Variants in TAB2 observed in about 807,000 individuals in gnomAD.
The protein encoded by TAB2 is TGF-beta-activated kinase 1 and MAP3K7-binding protein 2.
A neutral mutation model predicts 65.0 loss-of-function variants in TAB2; 3 were observed. The ratio of observed to expected loss-of-function variants is 0.05; its 90% CI spans 0.02 to 0.12. The LOEUF (loss-of-function observed/expected upper bound fraction) is 0.12, where lower values mean the gene tolerates loss of function less well. Ranked by LOEUF, TAB2 falls within the 10% of genes least tolerant of loss-of-function variation. The probability of loss-of-function intolerance (pLI) is 1.00; values close to 1 mark genes in which losing one functional copy is unlikely to be tolerated. For synonymous variants in TAB2, 298 were observed against 285.1 expected (o/e 1.05, Z -0.46); for missense variants, 623 against 840.3 (o/e 0.74, Z 3.20).
intron 3 of TAB2, among the ~76,000 whole-genome samples, 177 bp downstream of exon 3, chr6:149,379,695 T>C (rs1472158091): frequency 6.6e-6 from 1 of 152,116 alleles, no homozygotes; most frequent in African/African-American, 2.4e-5. Context: ...TTTAATTTTA[T>C]TTTATTATTA....
chr6:149,277,411 T>A (rs1434502243), intron 1 of TAB2, among the ~76,000 whole-genome samples: 1 of 152,128 alleles, frequency 6.6e-6, no homozygotes, highest in Non-Finnish European at 1.5e-5. Context: ...TAAAATATAC[T>A]GTTAAGATAA....
chr6:149,378,512 T>C lies in TAB2; in HGVS notation c.597T>C (p.Gly199=). 6.2e-7 allele frequency: 1 copy of C among 1,614,168 alleles called. No individual in the cohort carries two copies. The highest frequency in any genetic ancestry group is 8.5e-7 in the Non-Finnish European group (1 of 1,180,044). Residue 199 remains glycine, a synonymous_variant, in exon 3 of 7, where the codon GGT becomes GGC. Transcript: ENST00000637181. Reference sequence around the variant, plus strand: ...CTCCTACATCTTTGCACATACATGGTGTACCTCCACCTGTACTTAACAGTC... The same window carrying C: ...CTCCTACATCTTTGCACATACATGGCGTACCTCCACCTGTACTTAACAGTC... ...RNTPTSLHIH[G]VPPPVLNSPQ... is the part of the protein sequence containing the mutation.
intron 1 of TAB2, among the ~76,000 whole-genome samples, chr6:149,276,963 G>A (rs1778488045): frequency 6.6e-6 from 1 of 152,132 alleles, no homozygotes; most frequent in South Asian, 2.1e-4. Flanking sequence ...CCCCCATACT[G>A]TTCTCTTCAT....
intron 1 of TAB2, among the ~76,000 whole-genome samples, chr6:149,228,929 C>T (rs1231394916): frequency 6.6e-6 from 1 of 152,182 alleles, no homozygotes; most frequent in Non-Finnish European, 1.5e-5. Context: ...AGAGAATCCA[C>T]ACAGATGCTG....
At chr6:149,315,606 T>C (rs538982208), upstream of TAB2, among the ~76,000 whole-genome samples, 3 of 152,372 alleles carry the variant, frequency 2.0e-5, no homozygotes, top group South Asian at 6.2e-4. Context: ...ATGACATTTT[T>C]CTCCTCCAGT....
intron 1 of TAB2, among the ~76,000 whole-genome samples, chr6:149,286,563 G>T (rs562600421): frequency 4.6e-5 from 7 of 152,270 alleles, no homozygotes; most frequent in African/African-American, 1.7e-4. Flanking sequence ...GCTTTCAGAT[G>T]CTTTGACTCA....
At chr6:149,302,961 G>C (rs1418136156) in intron 1 of TAB2, among the ~76,000 whole-genome samples, 1 of 152,234 alleles carries the variant, frequency 6.6e-6, no homozygotes, top group Non-Finnish European at 1.5e-5. Context: ...TCTGCCTCCT[G>C]TCAGGTCAGT....
chr6:149,218,091 A>G (rs974549951), upstream of TAB2: 10 of 152,200 alleles, frequency 6.6e-5, no homozygotes, highest in African/African-American at 2.4e-4. Context: ...CCTGGTATGC[A>G]TCTTATTTGA....
At chr6:149,349,247 C>T (rs187688235) in intron 1 of TAB2, among the ~76,000 whole-genome samples, 4 of 151,668 alleles carry the variant, frequency 2.6e-5, no homozygotes, top group African/African-American at 7.3e-5. Context: ...AGTGAAACCC[C>T]GTCTCTACTA....
At position 149,238,140 on chromosome 6, in the gene TAB2, C is replaced by G. The variant is rs546140023; in HGVS notation, c.-121+19364C>G. Among the ~76,000 whole-genome samples the G allele has an allele frequency of 2.0e-5, 3 of 152,248 alleles. No homozygotes were observed. The East Asian group carries it at 5.8e-4, about 29-fold the overall frequency. On this transcript the variant is annotated intron_variant, in intron 1 of 1. Transcript: ENST00000606202. ...TCACCATGGGTAGGGACCTGTCTCC[C>G]ATCACTTTGGAGTTCCCAACACCCA...
At position 149,253,958 on chromosome 6, in the gene TAB2, A is replaced by AAGAAAAAGAAAG. The variant is rs1403666068; in HGVS notation, c.-121+35183_-121+35184insGAAAAAGAAAGA. Among the ~76,000 whole-genome samples, 153 of 76,366 alleles carry AAGAAAAAGAAAG rather than the reference A, an allele frequency of 2.0e-3. 1 individual carries two copies. The highest frequency in any genetic ancestry group is 6.4e-3 in the Middle Eastern group (1 of 156). The allele number at this position is 76,366 out of a possible 152,430, so 50.1% of individuals were successfully genotyped here. On this transcript the variant is annotated intron_variant, in intron 1 of 1. Transcript: ENST00000606202. The stretch of plus-strand genomic sequence containing the variant: ...AGAAAGAAAGAGAAAGAAAGAAAGA[A>AAGAAAAAGAAAG]AAAGAAAGAAAGAAAGAAAGAAAGA...
intron 1 of TAB2, among the ~76,000 whole-genome samples, chr6:149,338,823 A>T (rs995353920): frequency 1.3e-5 from 2 of 152,220 alleles, no homozygotes; most frequent in African/African-American, 4.8e-5. Flanking sequence ...AAAACAGAAT[A>T]AAAGGGGTAG....
rs79691954 is a variant in TAB2, at chr6:149,229,593, G to A, written c.-121+10817G>A. Among the ~76,000 whole-genome samples the A allele has an allele frequency of 4.2e-3, 639 of 152,242 alleles. 4 individuals carry two copies. The highest frequency in any genetic ancestry group is 7.0e-3 in the Non-Finnish European group (473 of 68,018). ...ATGGCTTCTTTCCATGAGGGTCACC[G>A]GATCCTGCACAGAGTCAGCAGGGCA... On this transcript the variant is annotated intron_variant, in intron 1 of 1. Coordinates refer to the TAB2 transcript ENST00000606202.
rs570357962 is a variant in TAB2 at position 149,377,898 on chromosome 6, A to G, written c.103-120A>G. 14 of 779,318 alleles carry G rather than the reference A, an allele frequency of 1.8e-5. No homozygotes were observed. In the African/African-American group the frequency reaches 2.1e-4, roughly 12 times the overall value. 48.3% of individuals were successfully genotyped at this position (779,318 alleles called of 1,614,324 possible). A position where few individuals can be genotyped will look rare whatever the true frequency, so the allele number is the denominator to read the frequency against. ...ATAAAAAAACTTCTCAAATTTAAAT[A>G]TCCAAATATATGTTATAATTGTATT... On this transcript the variant is annotated intron_variant, in intron 2 of 6. Coordinates refer to ENST00000637181, the MANE Select transcript of TAB2 (RefSeq NM_001292034.3).
chr6:149,254,059 GAGGAAGGAAGGA>G (rs202028741), intron 1 of TAB2, among the ~76,000 whole-genome samples: 3,205 of 103,700 alleles, frequency 0.031, 112 homozygotes, highest in African/African-American at 0.079. Context: ...GGGAGAGAGG[GAGGAAGGAAGGA>G]AGGAAGGAAG....
chr6:149,233,916 G>A (rs983929783), intron 1 of TAB2, among the ~76,000 whole-genome samples: 1 of 152,124 alleles, frequency 6.6e-6, no homozygotes, highest in African/African-American at 2.4e-5. Context: ...CCCAAATGCT[G>A]TTAGGTTGGA....
rs1272653989 is a variant in TAB2 at position 149,411,546 on chromosome 6, C to T, written c.*1827C>T. On this transcript the variant is annotated 3_prime_UTR_variant, in exon 7 of 7. Coordinates refer to ENST00000637181, the MANE Select transcript of TAB2 (RefSeq NM_001292034.3). The stretch of plus-strand genomic sequence containing the variant: ...TTGAGTTGATGGTTTTGTGATTTAG[C>T]TGGGTAAACTATCTTTGTAACAGAT... 6.5e-6 allele frequency: 1 copy of T among 153,208 alleles called. No homozygotes were observed. The highest frequency in any genetic ancestry group is 1.9e-4 in the East Asian group (1 of 5,194). The allele number at this position is 153,208 out of a possible 1,614,324, so 9.5% of individuals were successfully genotyped here.
chr6:149,399,263 T>A (rs776745139), intron 6 of TAB2, 79 bp downstream of exon 6: 126 of 1,046,778 alleles, frequency 1.2e-4, no homozygotes, highest in Admixed American at 4.7e-4. Context: ...TCAGCAACCT[T>A]CCTCTCTAGA....
chr6:149,400,266 C>T, intron 6 of TAB2: 3 of 1,053,292 alleles, frequency 2.8e-6, no homozygotes, highest in East Asian at 2.5e-5. Context: ...CCAGGATGTG[C>T]ACGCACCCTC....
Sources: gnomAD v4.1 joint callset for allele counts (sites outside exome capture counted in the v4.1 genomes callset) on GRCh38, gnomAD v4.1.1 for gene constraint, MANE v1.5 for transcripts, NCBI Gene and HGNC (gene_info 2026-07-23, HGNC 2026-07-21) for gene names.